MTUS1: variants seen among roughly 807,000 people sequenced by gnomAD.
MTUS1 encodes the protein microtubule-associated tumor suppressor 1.
MTUS1 carries 109 observed loss-of-function variants against 120.8 expected under a neutral mutation model. The observed-to-expected ratio is 0.90, with a 90% CI of 0.77 to 1.06. The LOEUF is 1.06. MTUS1 is among the 50% of genes least tolerant of loss of function. MTUS1 has a pLI of 0.00. For synonymous variants in MTUS1, 737 were observed against 550.5 expected, an observed-to-expected ratio of 1.34 and a Z score of -4.74; for missense variants, 2,210 against 1,486.3, an observed-to-expected ratio of 1.49 and a Z score of -8.01.
At chr8:17,648,319 A>G (rs1050321115) in intron 13 of MTUS1, among the ~76,000 whole-genome samples, 8 of 152,226 alleles carry the variant, frequency 5.3e-5, no homozygotes, top group Non-Finnish European at 1.2e-4. Flanking sequence ...AGGCTGAAGG[A>G]TATTATCAGG....
intron 3 of MTUS1, among the ~76,000 whole-genome samples, chr8:17,742,311 T>G (rs866626611): frequency 7.2e-6 from 1 of 139,540 alleles, no homozygotes; most frequent in Non-Finnish European, 1.6e-5. Context: ...TTTTTTTTTT[T>G]AGAGATAGTG....
At chr8:17,658,594 T>C (rs1375857357) in intron 8 of MTUS1, among the ~76,000 whole-genome samples, 3 of 152,194 alleles carry the variant, frequency 2.0e-5, no homozygotes, top group Non-Finnish European at 2.9e-5. Context: ...ACTCGTGGAT[T>C]AATACGACAG....
intron 7 of MTUS1, chr8:17,676,392 C>G (rs959857686): frequency 2.9e-6 from 2 of 701,198 alleles, no homozygotes; most frequent in African/African-American, 1.7e-5. Flanking sequence ...TACAGGTGGC[C>G]GCGCCACCCA....
At chr8:17,663,826 C>T (rs972411058) in intron 8 of MTUS1, among the ~76,000 whole-genome samples, 1 of 152,082 alleles carries the variant, frequency 6.6e-6, no homozygotes, top group Admixed American at 6.6e-5. Flanking sequence ...GAACTCCTGA[C>T]CTCAAATGAT....
chr8:17,657,611 G>A (rs546298435), intron 8 of MTUS1, among the ~76,000 whole-genome samples: 6 of 149,222 alleles, frequency 4.0e-5, no homozygotes, highest in Admixed American at 6.7e-5. Flanking sequence ...TTGCACCTAG[G>A]AGTTCATGAC....
chr8:17,646,618 T>A (rs1313607201), intron 14 of MTUS1, among the ~76,000 whole-genome samples: 1 of 152,192 alleles, frequency 6.6e-6, no homozygotes, highest in Non-Finnish European at 1.5e-5. Context: ...CTGTACTTTT[T>A]GGGCAATTTC....
At chr8:17,713,766 T>C (rs73204298) in intron 5 of MTUS1, among the ~76,000 whole-genome samples, 1 of 152,116 alleles carries the variant, frequency 6.6e-6, no homozygotes, top group African/African-American at 2.4e-5. Flanking sequence ...CTAAAAGAAA[T>C]CTATGATGCT....
At chr8:17,649,778 A>T in intron 13 of MTUS1, 68 bp downstream of exon 13, 1 of 850,350 alleles carries the variant, frequency 1.2e-6, no homozygotes, top group Non-Finnish European at 2.0e-6. Context: ...CAGTTCTAAA[A>T]TGCAGGGCTC....
Position 17,663,141 on chromosome 8 carries a change from T to C in MTUS1, c.2906-7076A>G, listed in dbSNP as rs567118165. Among the ~76,000 whole-genome samples, 7 of 152,354 alleles carry C rather than the reference T, an allele frequency of 4.6e-5. No homozygotes were observed. In the South Asian group the frequency reaches 1.4e-3, roughly 32 times the overall value. On this transcript the variant is annotated intron_variant, in intron 8 of 14. Coordinates refer to ENST00000693296, the MANE Select transcript of MTUS1 (RefSeq NM_001363059.2). ...AAGATGATATGTGGAAAATGCCCAG[T>C]GCCACAGTCAAACATAATCTCTGGA...
rs1313602034 is a variant in MTUS1 at position 17,680,467 on chromosome 8, A to T, written c.2838+3861T>A. Among the ~76,000 whole-genome samples the T allele has an allele frequency of 4.8e-4, 4 of 8,356 alleles. No individual in the cohort carries two copies. In the Admixed American group the frequency reaches 7.7e-3, roughly 16 times the overall value. 5.5% of individuals were successfully genotyped at this position (8,356 alleles called of 152,430 possible). A position where few individuals can be genotyped will look rare whatever the true frequency, so the allele number is the denominator to read the frequency against. On this transcript the variant is annotated intron_variant, in intron 7 of 14. Transcript: ENST00000693296. ...TGACAGAGCAAGGCCACTGTCGCAA[A>T]AAAAAAAAAAAAAAAAAAAAAAAAA... is the stretch of plus-strand genomic sequence containing the variant.
chr8:17,799,364 G>A (rs1586478805), intron 1 of MTUS1, among the ~76,000 whole-genome samples: 1 of 151,746 alleles, frequency 6.6e-6, no homozygotes, highest in African/African-American at 2.4e-5. Flanking sequence ...CATTAATCAG[G>A]AAAAAACCTC....
intron 1 of MTUS1, among the ~76,000 whole-genome samples, chr8:17,796,584 T>C (rs918439120): frequency 2.6e-5 from 4 of 152,210 alleles, no homozygotes; most frequent in Non-Finnish European, 5.9e-5. Context: ...AGTTTTATCT[T>C]ATGTATCCAC....
intron 1 of MTUS1, among the ~76,000 whole-genome samples, chr8:17,760,414 T>C (rs2048953192): frequency 2.0e-5 from 3 of 152,138 alleles, no homozygotes; most frequent in African/African-American, 7.2e-5. Flanking sequence ...GCAGTTAAGC[T>C]GATCAGTTCC....
intron 8 of MTUS1, among the ~76,000 whole-genome samples, chr8:17,657,340 G>A (rs368786969): frequency 0.026 from 3,955 of 151,226 alleles, 78 homozygotes; most frequent in Non-Finnish European, 0.037. Flanking sequence ...AGGCCGAGGC[G>A]GGCGGATCAC....
chr8:17,779,063 T>C (rs147715236), intron 1 of MTUS1, among the ~76,000 whole-genome samples: 1 of 152,232 alleles, frequency 6.6e-6, no homozygotes, highest in East Asian at 1.9e-4. Flanking sequence ...CTGATTGCTA[T>C]TACGGGATTA....
rs564138900 is a variant in MTUS1 at position 17,753,868 on chromosome 8, C to G, written c.1940G>C (p.Ser647Thr). ...ATAGGTCATTTCCAAACATTCTGCA[C>G]TTTCCATTTTAACAGGGAGTATGCC... ...IKGILPVKME[S>T]AECLEMTYVP... Residue 647 changes from serine (S) to threonine (T), a missense_variant, in exon 2 of 15, where the codon AGT becomes ACT. Ser to Thr is a moderately conservative substitution (Grantham distance 58). Transcript: ENST00000693296. 2.5e-6 allele frequency: 4 copies of G among 1,614,180 alleles called. No homozygotes were observed. The African/African-American group carries it at 5.3e-5, about 22-fold the overall frequency.
chr8:17,710,476 T>C (rs1821068575), intron 6 of MTUS1, among the ~76,000 whole-genome samples: 1 of 152,216 alleles, frequency 6.6e-6, no homozygotes, highest in Non-Finnish European at 1.5e-5. Context: ...TTACCAGAGA[T>C]CAACAGCAAT....
chr8:17,686,936 C>T (rs146649960), intron 6 of MTUS1, among the ~76,000 whole-genome samples: 94 of 152,152 alleles, frequency 6.2e-4, no homozygotes, highest in Non-Finnish European at 1.1e-3. Flanking sequence ...TCACTTTTAA[C>T]AGACAGTTAA....
intron 7 of MTUS1, among the ~76,000 whole-genome samples, chr8:17,679,404 A>G (rs1401363610): frequency 2.0e-5 from 3 of 151,814 alleles, no homozygotes; most frequent in African/African-American, 7.3e-5. Context: ...ATACTTCTGT[A>G]ATGGGAATGG....
Sources: gnomAD v4.1 joint callset for allele counts (sites outside exome capture counted in the v4.1 genomes callset) on GRCh38, gnomAD v4.1.1 for gene constraint, MANE v1.5 for transcripts, NCBI Gene and HGNC (gene_info 2026-07-23, HGNC 2026-07-21) for gene names.